Variants in LRP1B observed in about 807,000 individuals in gnomAD.
LRP1B encodes the protein LDL receptor related protein 1B.
Under a neutral mutation model 556.6 loss-of-function variants are expected in LRP1B, and 217 were observed. The observed-to-expected ratio is 0.39, with a 90% CI of 0.35 to 0.44. The LOEUF is 0.44. Among genes scored for constraint, LRP1B ranks in the 20% least tolerant of loss-of-function variants. LRP1B has a pLI of 1.00. For synonymous variants in LRP1B, 2,047 were observed against 1,865.8 expected (o/e 1.10, Z -2.50); for missense variants, 5,053 against 5,620.8 (o/e 0.90, Z 3.23).
chr2:141,084,946 G>T (rs1246036776), intron 7 of LRP1B, among the ~76,000 whole-genome samples: 1 of 152,090 alleles, frequency 6.6e-6, no homozygotes, highest in Non-Finnish European at 1.5e-5. Flanking sequence ...ACCGCGCCCG[G>T]CCTCTCTTTC....
chr2:141,752,473 C>T (rs907820899), intron 2 of LRP1B, among the ~76,000 whole-genome samples: 3 of 152,090 alleles, frequency 2.0e-5, no homozygotes, highest in Non-Finnish European at 2.9e-5. Context: ...GGTACCACTA[C>T]CTAGATGCAC....
intron 7 of LRP1B, among the ~76,000 whole-genome samples, chr2:141,187,926 A>ATT (rs1681329294): frequency 6.6e-6 from 1 of 152,012 alleles, no homozygotes; most frequent in Non-Finnish European, 1.5e-5. Flanking sequence ...ACAGTCATCG[A>ATT]ACGTAAGAGT....
intron 3 of LRP1B, among the ~76,000 whole-genome samples, chr2:141,286,541 G>A (rs1222127583): frequency 3.3e-5 from 5 of 152,216 alleles, no homozygotes; most frequent in South Asian, 2.1e-4. Context: ...AGATTTTAAT[G>A]TCTTCCTTAA....
rs1164695568 is a variant in LRP1B, at chr2:140,956,241, T to A, written c.2888-4301A>T. ...CCAATTTGCAGAAGAAAACAGTATA[T>A]CCTGCCTAAGGACATATCACATAAA... is the stretch of plus-strand genomic sequence containing the variant. On this transcript the variant is annotated intron_variant, in intron 18 of 90. Coordinates refer to ENST00000389484, the MANE Select transcript of LRP1B (RefSeq NM_018557.3). 2.6e-5 allele frequency among the ~76,000 whole-genome samples: 4 copies of A among 151,860 alleles called. No individual in the cohort carries two copies. The East Asian group carries it at 7.7e-4, about 29-fold the overall frequency.
At chr2:141,908,578 T>C (rs1699823019) in intron 1 of LRP1B, among the ~76,000 whole-genome samples, 1 of 152,080 alleles carries the variant, frequency 6.6e-6, no homozygotes. Context: ...TGTCTATTTG[T>C]CTATTATTTT....
intron 41 of LRP1B, among the ~76,000 whole-genome samples, chr2:140,679,971 T>G (rs1465950760): frequency 1.3e-5 from 2 of 152,072 alleles, no homozygotes; most frequent in East Asian, 3.8e-4. Context: ...TATTTATTTA[T>G]TTTTTGATCA....
chr2:141,843,911 C>A (rs79102265), intron 1 of LRP1B, among the ~76,000 whole-genome samples: 1 of 152,078 alleles, frequency 6.6e-6, no homozygotes, highest in Non-Finnish European at 1.5e-5. Context: ...ATGCTTTACC[C>A]AGGGAACCAT....
At position 140,347,402 on chromosome 2, in the gene LRP1B, A is replaced by G. The variant is rs576729760; in HGVS notation, c.11892+3395T>C. Among the ~76,000 whole-genome samples the G allele has an allele frequency of 7.8e-4, 118 of 151,866 alleles. No individual in the cohort carries two copies. In the Middle Eastern group the frequency reaches 0.041, roughly 53 times the overall value. On this transcript the variant is annotated intron_variant, in intron 77 of 90. Transcript: ENST00000389484. The stretch of plus-strand genomic sequence containing the variant: ...TCTGCATTTGAAATTTAAATTTATA[A>G]TAATTATTAGTATTCTAACCATTTT...
chr2:141,593,195 T>C (rs1306406270), intron 2 of LRP1B, among the ~76,000 whole-genome samples: 1 of 152,036 alleles, frequency 6.6e-6, no homozygotes, highest in Non-Finnish European at 1.5e-5. Context: ...CATGAAACCT[T>C]TAAGGGCTTT....
At chr2:141,849,401 G>A (rs545195851) in intron 1 of LRP1B, among the ~76,000 whole-genome samples, 23 of 151,552 alleles carry the variant, frequency 1.5e-4, no homozygotes, top group Admixed American at 1.4e-3. Context: ...TAATTATGGC[G>A]TTGACTTCGG....
intron 27 of LRP1B, among the ~76,000 whole-genome samples, chr2:140,862,855 A>G (rs1230208158): frequency 6.6e-6 from 1 of 152,194 alleles, no homozygotes; most frequent in Non-Finnish European, 1.5e-5. Context: ...TGAAGGCCGA[A>G]ATAGAATAAA....
At chr2:141,766,297 A>G (rs1368352077) in intron 2 of LRP1B, among the ~76,000 whole-genome samples, 1 of 152,192 alleles carries the variant, frequency 6.6e-6, no homozygotes. Context: ...TGGATAGGAT[A>G]CAAAAACGTG....
At chr2:141,404,974 C>T (rs759834142) in intron 3 of LRP1B, among the ~76,000 whole-genome samples, 2 of 151,746 alleles carry the variant, frequency 1.3e-5, no homozygotes, top group African/African-American at 4.8e-5. Context: ...CACCTGTAGT[C>T]CCAGCTACTC....
chr2:140,952,325 T>G (rs1358900343), intron 18 of LRP1B, among the ~76,000 whole-genome samples: 1 of 152,008 alleles, frequency 6.6e-6, no homozygotes, highest in Non-Finnish European at 1.5e-5. Flanking sequence ...GCTTTAATAG[T>G]GGAAGGCCTT....
chr2:141,223,192 C>A (rs1388304951), intron 6 of LRP1B, among the ~76,000 whole-genome samples: 1 of 152,158 alleles, frequency 6.6e-6, no homozygotes, highest in African/African-American at 2.4e-5. Flanking sequence ...AGCAAAGTCT[C>A]AGGATACAAA....
chr2:141,810,131 AAG>A (rs758196977), intron 2 of LRP1B, 146 bp downstream of exon 2: 10 of 447,834 alleles, frequency 2.2e-5, no homozygotes, highest in South Asian at 2.1e-4. Flanking sequence ...GAAAGAAAGA[AAG>A]AAAGAAAGAA....
At chr2:140,407,792 C>G (rs1490542009) in intron 66 of LRP1B, among the ~76,000 whole-genome samples, 2 of 151,908 alleles carry the variant, frequency 1.3e-5, no homozygotes, top group South Asian at 4.1e-4. Context: ...GAACTAAGAA[C>G]AGATCTGCCA....
At chr2:140,553,561 G>A (rs891776381) in intron 43 of LRP1B, among the ~76,000 whole-genome samples, 5 of 151,966 alleles carry the variant, frequency 3.3e-5, no homozygotes, top group Admixed American at 6.6e-5. Flanking sequence ...TAGAAAACAT[G>A]ATTGCCTAAT....
intron 3 of LRP1B, among the ~76,000 whole-genome samples, chr2:141,441,269 G>T (rs1364991500): frequency 1.3e-5 from 2 of 151,922 alleles, no homozygotes; most frequent in African/African-American, 2.4e-5. Flanking sequence ...GTGGAGAGGG[G>T]TTTTCACCAA....
Sources: gnomAD v4.1 joint callset for allele counts (sites outside exome capture counted in the v4.1 genomes callset) on GRCh38, gnomAD v4.1.1 for gene constraint, MANE v1.5 for transcripts, NCBI Gene and HGNC (gene_info 2026-07-23, HGNC 2026-07-21) for gene names.